JAG2: variants seen among roughly 807,000 people sequenced by gnomAD.
The protein encoded by JAG2 is protein jagged-2.
In JAG2, 46 loss-of-function variants were observed where a neutral mutation model predicts 141.7. The ratio of observed to expected loss-of-function variants is 0.32; its 90% CI spans 0.26 to 0.42. The LOEUF (loss-of-function observed/expected upper bound fraction) is 0.42, where lower values mean the gene tolerates loss of function less well. JAG2 is among the 10% of genes least tolerant of loss of function. The pLI is 1.00. For synonymous variants in JAG2, 862 were observed against 763.5 expected (o/e 1.13, Z -2.13); for missense variants, 1,500 against 1,817.5 (o/e 0.83, Z 3.18).
intron 5 of JAG2, among the ~76,000 whole-genome samples, chr14:105,153,618 G>T (rs1284117057): frequency 2.6e-5 from 4 of 152,188 alleles, no homozygotes; most frequent in African/African-American, 9.7e-5. Flanking sequence ...CATCCGGTGG[G>T]GGGGCGTCCT....
Position 105,167,940 on chromosome 14 carries a change from G to A in JAG2, c.234C>T (p.Tyr78=), listed in dbSNP as rs1595194007. ...GCCCCGTGGGCGTCACCTTGGCCTG[G>A]TACTCCTTAAGGCACACGCGCACGT... is the stretch of plus-strand genomic sequence containing the variant. ...DTYVRVCLKE[Y]QAKVTPTGPC... The change falls in exon 2 of 26, where the codon TAC becomes TAT. Residue 78 remains tyrosine, a synonymous_variant. Coordinates refer to ENST00000331782, the MANE Select transcript of JAG2 (RefSeq NM_002226.5). The surrounding 1 kb of genome is among the most constrained non-coding windows in gnomAD (Gnocchi z 4.8). The A allele has an allele frequency of 6.2e-7, 1 of 1,602,584 alleles. No individual in the cohort carries two copies. The highest frequency in any genetic ancestry group is 2.3e-5 in the East Asian group (1 of 44,358).
In JAG2 at chr14:105,155,640, C is replaced by A; in HGVS notation, c.728-18G>T. On this transcript the variant is annotated intron_variant, in intron 4 of 25. Coordinates refer to ENST00000331782, the MANE Select transcript of JAG2 (RefSeq NM_002226.5). ...ACACACAGCTGCGAACAGAGAGGAG[C>A]GAGAGGCACAGCTGCAGCCAGCCTG... 1 of 1,612,570 alleles carries A rather than the reference C, an allele frequency of 6.2e-7. No homozygotes were observed.
chr14:105,151,294 G>A lies in JAG2; in HGVS notation c.1256C>T (p.Thr419Ile). Residue 419 changes from threonine (T) to isoleucine (I), a missense_variant, in exon 9 of 26, where the codon ACC becomes ATC. By Grantham distance (89) the Thr-to-Ile change is moderately conservative (BLOSUM62 -1). This residue lies in a region of JAG2 where 875 missense variants were observed against 1,202.2 expected (regional missense o/e 0.73). Coordinates refer to ENST00000331782, the MANE Select transcript of JAG2 (RefSeq NM_002226.5). The part of the protein sequence containing the change: ...CICPEQWVGA[T>I]CQLDANECEG... ...CTCGGAGCCCTTACCCAGCTGGCAG[G>A]TGGCCCCCACCCACTGCTCGGGGCA... 6.2e-7 allele frequency: 1 copy of A among 1,612,050 alleles called. No individual in the cohort carries two copies. The highest frequency in any genetic ancestry group is 2.2e-5 in the East Asian group (1 of 44,858).
intron 4 of JAG2, 55 bp downstream of exon 4, chr14:105,155,683 C>T (rs1162713363): frequency 1.8e-5 from 29 of 1,612,126 alleles, no homozygotes; most frequent in East Asian, 6.7e-5. Context: ...GGCCTGTGCC[C>T]GGGGCCCTGC....
At position 105,147,968 on chromosome 14, in the gene JAG2, G is replaced by T. The variant is rs1325289716; in HGVS notation, c.2249-80C>A. 4.1e-6 allele frequency: 5 copies of T among 1,229,738 alleles called. No homozygotes were observed. The East Asian group carries it at 1.3e-4, about 31-fold the overall frequency. The allele number at this position is 1,229,738 out of a possible 1,614,324, so 76.2% of individuals were successfully genotyped here. On this transcript the variant is annotated intron_variant, in intron 17 of 25. Transcript: ENST00000331782. The stretch of plus-strand genomic sequence containing the variant: ...GTCTCCATACCGCGCCCCCAACCCA[G>T]ACAGGGCAGACAGACCCGGGGGCAG...
At chr14:105,164,524 C>A (rs1305840666) in intron 2 of JAG2, among the ~76,000 whole-genome samples, 5 of 152,186 alleles carry the variant, frequency 3.3e-5, no homozygotes, top group Non-Finnish European at 7.4e-5. Context: ...GAGGCCAGGG[C>A]CCTGTCATCC....
rs1260802984 is a variant in JAG2, at chr14:105,142,849, T to A, written c.3563A>T (p.Glu1188Val). Reference sequence around the variant, plus strand: ...GAACTTCTCCGCCTCCAGGGAGTCCTCCTCACCGCGGCCCAGATCCTCGTC... The same window carrying A: ...GAACTTCTCCGCCTCCAGGGAGTCCACCTCACCGCGGCCCAGATCCTCGTC... ...EEDEDLGRGE[E>V]DSLEAEKFLS... is the part of the protein sequence containing the mutation. The change falls in exon 26 of 26, where the codon GAG becomes GTG. Residue 1188 changes from glutamate to valine, a missense_variant. Transcript: ENST00000331782. 3 of 1,609,158 alleles carry A rather than the reference T, an allele frequency of 1.9e-6. No homozygotes were observed. The highest frequency in any genetic ancestry group is 1.7e-6 in the Non-Finnish European group (2 of 1,178,230).
chr14:105,164,890 C>T (rs1888863488), intron 2 of JAG2, among the ~76,000 whole-genome samples: 3 of 152,168 alleles, frequency 2.0e-5, no homozygotes, highest in African/African-American at 4.8e-5. Context: ...GGCCCAGGAC[C>T]TCAGGCCTCC....
intron 17 of JAG2, 97 bp from the exon 18 acceptor site, chr14:105,147,985 C>T (rs587669069): frequency 4.5e-5 from 53 of 1,189,424 alleles, no homozygotes; most frequent in African/African-American, 1.1e-4. Flanking sequence ...CAGACAGACC[C>T]GGGGGCAGGG....
At chr14:105,148,634 G>T (rs1278206164) in intron 15 of JAG2, 111 bp downstream of exon 15, 38 of 1,067,624 alleles carry the variant, frequency 3.6e-5, no homozygotes, top group African/African-American at 4.7e-5. Flanking sequence ...CCCTGGCCAG[G>T]CCTTTCTGGG....
chr14:105,164,686 T>C (rs1024585678), intron 2 of JAG2, among the ~76,000 whole-genome samples: 1 of 151,812 alleles, frequency 6.6e-6, no homozygotes, highest in Non-Finnish European at 1.5e-5. Context: ...GTAAAAACCT[T>C]CCTCCCTAGG....
intron 5 of JAG2, among the ~76,000 whole-genome samples, chr14:105,153,097 G>A (rs1014893172): frequency 2.6e-5 from 4 of 152,102 alleles, no homozygotes; most frequent in African/African-American, 9.7e-5. Flanking sequence ...CGGGACTCCC[G>A]GGGGGCCCTT....
rs781628851 is a variant in JAG2 at position 105,149,331 on chromosome 14, G to T, written c.1603-11C>A. The T allele has an allele frequency of 4.3e-6, 7 of 1,612,564 alleles. 1 individual carries two copies. Among genetic ancestry groups the T allele is most frequent in the Non-Finnish European group, 5.1e-6 (6 of 1,179,954 alleles). On this transcript the variant is annotated splice_polypyrimidine_tract_variant and intron_variant, in intron 12 of 25. Coordinates refer to ENST00000331782, the MANE Select transcript of JAG2 (RefSeq NM_002226.5). The stretch of plus-strand genomic sequence containing the variant: ...AAGGTCGACATCCACCTGCAGGGTG[G>T]GGGGTGCCTGTGAGAGCCTAGGCCC...
chr14:105,143,218 G>T, intron 25 of JAG2, 48 bp from the exon 26 acceptor site: 1 of 1,559,788 alleles, frequency 6.4e-7, no homozygotes, highest in South Asian at 1.1e-5. Flanking sequence ...CTGGGCACCT[G>T]CGGGGCACTA....
At position 105,154,671 on chromosome 14, in the gene JAG2, C is replaced by T. The variant is rs1314928261; in HGVS notation, c.788+891G>A. Among the ~76,000 whole-genome samples the T allele has an allele frequency of 1.3e-5, 2 of 152,132 alleles. No individual in the cohort carries two copies. Among genetic ancestry groups the T allele is most frequent in the African/African-American group, 2.4e-5 (1 of 41,422 alleles). The stretch of plus-strand genomic sequence containing the variant: ...TTGGCCTCCCTCCTCTCTGCCTTCC[C>T]CACTTTCCCGTCACCGCCTGAATGC... On this transcript the variant is annotated intron_variant, in intron 5 of 25. Coordinates refer to ENST00000331782, the MANE Select transcript of JAG2 (RefSeq NM_002226.5). This position sits in a 1 kb window ranked among gnomAD's most constrained non-coding sequence, Gnocchi z 4.4.
intron 2 of JAG2, among the ~76,000 whole-genome samples, chr14:105,163,815 G>A (rs1177013627): frequency 6.7e-6 from 1 of 148,170 alleles, no homozygotes; most frequent in East Asian, 2.0e-4. Context: ...CTCAGGCCTG[G>A]GGTCTAGGGA....
At chr14:105,148,464 G>C in intron 15 of JAG2, 25 bp from the exon 16 acceptor site, 2 of 1,569,014 alleles carry the variant, frequency 1.3e-6, no homozygotes, top group Non-Finnish European at 1.7e-6. Flanking sequence ...GCCGGTCAGC[G>C]GGCGGGGGGT....
intron 2 of JAG2, among the ~76,000 whole-genome samples, chr14:105,159,603 C>A (rs1888673207): frequency 7.4e-6 from 1 of 134,692 alleles, no homozygotes; most frequent in South Asian, 2.6e-4. Flanking sequence ...AGAGCTCCAT[C>A]CACACCCCCA....
In JAG2 at chr14:105,168,032, C is replaced by T. The variant is rs978864470; in HGVS notation, c.142G>A (p.Ala48Thr). Residue 48 changes from alanine (A) to threonine (T), a missense_variant, in exon 2 of 26, where the codon GCC (alanine) becomes ACC (threonine). Ala to Thr is a moderately conservative substitution (Grantham distance 58). Transcript: ENST00000331782. Reference sequence around the variant, plus strand: ...GTCCGGCCGTCGCCGTCACAGCAGGCGCCGCTCAGCAGCTCCCCGTTCACG... The same window carrying T: ...GTCCGGCCGTCGCCGTCACAGCAGGTGCCGCTCAGCAGCTCCCCGTTCACG... ...RNVNGELLSG[A>T]CCDGDGRTTR... The T allele has an allele frequency of 4.4e-6, 7 of 1,595,566 alleles. No homozygotes were observed. The highest frequency in any genetic ancestry group is 2.7e-5 in the African/African-American group (2 of 73,924).
Sources: gnomAD v4.1 joint callset for allele counts (sites outside exome capture counted in the v4.1 genomes callset) on GRCh38, gnomAD v4.1.1 for gene constraint, gnomAD v4.1.1 regional missense constraint, Gnocchi (gnomAD v3.1) non-coding constraint, MANE v1.5 for transcripts, NCBI Gene and HGNC (gene_info 2026-07-23, HGNC 2026-07-21) for gene names.